RANGAP1: variants seen among roughly 807,000 people sequenced by gnomAD.
RANGAP1 encodes Ran GTPase activating protein 1.
In RANGAP1, 38 loss-of-function variants were observed where a neutral mutation model predicts 63.5. The ratio of observed to expected loss-of-function variants is 0.60; its 90% CI spans 0.46 to 0.78. RANGAP1 has a LOEUF of 0.78. Among genes scored for constraint, RANGAP1 ranks in the 30% least tolerant of loss-of-function variants. RANGAP1 has a pLI of 0.00. For missense variants in RANGAP1, 630 were observed against 740.3 expected (o/e 0.85, Z 1.73); for synonymous variants, 329 against 310.5 (o/e 1.06, Z -0.63).
At chr22:41,266,692 G>A (rs9607787) in intron 4 of RANGAP1, among the ~76,000 whole-genome samples, 4,322 of 152,126 alleles carry the variant, frequency 0.028, 116 homozygotes, top group South Asian at 0.097. Context: ...CTGCCATCAC[G>A]CCCAGCTAAT....
intron 11 of RANGAP1, among the ~76,000 whole-genome samples, chr22:41,253,530 T>C (rs1312998583): frequency 6.6e-6 from 1 of 152,116 alleles, no homozygotes; most frequent in Non-Finnish European, 1.5e-5. Flanking sequence ...GGAATGCAAA[T>C]GAATGAACTG....
Position 41,250,107 on chromosome 22 carries a change from G to A in RANGAP1, c.1484-290C>T, listed in dbSNP as rs546785149. ...ACACCCACTGTGCCCACCTCACACC[G>A]TGGGAATGGAGATTTCCTGAGGCAG... On this transcript the variant is annotated intron_variant, in intron 13 of 15. Coordinates refer to ENST00000356244, the MANE Select transcript of RANGAP1 (RefSeq NM_002883.4). Among the ~76,000 whole-genome samples the A allele has an allele frequency of 2.0e-5, 3 of 152,362 alleles. No individual in the cohort carries two copies. The East Asian group carries it at 5.8e-4, about 29-fold the overall frequency.
chr22:41,287,531 T>G (rs544201935), upstream of RANGAP1, among the ~76,000 whole-genome samples: 3 of 151,510 alleles, frequency 2.0e-5, no homozygotes, highest in Non-Finnish European at 4.4e-5. Context: ...TTGGACGTGA[T>G]GGTGCAAGCC....
chr22:41,279,170 A>T (rs2035336824), intron 2 of RANGAP1, among the ~76,000 whole-genome samples: 1 of 148,580 alleles, frequency 6.7e-6, no homozygotes, highest in African/African-American at 2.5e-5. Flanking sequence ...TAAAAATACA[A>T]ACACAAAAAT....
intron 11 of RANGAP1, among the ~76,000 whole-genome samples, chr22:41,253,341 C>A (rs1185796578): frequency 6.6e-6 from 1 of 152,228 alleles, no homozygotes; most frequent in Non-Finnish European, 1.5e-5. Flanking sequence ...GAACTACAGT[C>A]CAGCCTGGGT....
At chr22:41,262,705 C>T (rs75131768) in intron 5 of RANGAP1, among the ~76,000 whole-genome samples, 4,401 of 152,230 alleles carry the variant, frequency 0.029, 102 homozygotes, top group Admixed American at 0.045. Flanking sequence ...AAACTTCTGC[C>T]AAAGACCAGC....
chr22:41,283,660 T>C (rs900460530), intron 1 of RANGAP1, among the ~76,000 whole-genome samples: 1 of 152,132 alleles, frequency 6.6e-6, no homozygotes, highest in African/African-American at 2.4e-5. Context: ...GCAAATGCAA[T>C]GGCTCTTGTA....
At chr22:41,261,694 AG>A in intron 5 of RANGAP1, 114 bp from the exon 6 acceptor site, 2 of 1,314,358 alleles carry the variant, frequency 1.5e-6, no homozygotes, top group Non-Finnish European at 2.1e-6. Flanking sequence ...GGTGCAGGTC[AG>A]GGGACGCAGG....
intron 11 of RANGAP1, among the ~76,000 whole-genome samples, chr22:41,253,341 C>T (rs1185796578): frequency 6.6e-6 from 1 of 152,228 alleles, no homozygotes; most frequent in East Asian, 1.9e-4. Flanking sequence ...GAACTACAGT[C>T]CAGCCTGGGT....
At chr22:41,275,596 T>C (rs567360505) in intron 2 of RANGAP1, among the ~76,000 whole-genome samples, 2 of 150,234 alleles carry the variant, frequency 1.3e-5, no homozygotes, top group African/African-American at 2.5e-5. Flanking sequence ...CTGACCAATA[T>C]AGTGAAACCC....
At chr22:41,266,071 G>T (rs1409065980) in intron 4 of RANGAP1, among the ~76,000 whole-genome samples, 1 of 152,086 alleles carries the variant, frequency 6.6e-6, no homozygotes, top group Non-Finnish European at 1.5e-5. Flanking sequence ...GCATGGTGGC[G>T]GGCGCCTGTA....
Position 41,273,766 on chromosome 22 carries a change from C to CAAAAAAAAAAAAAAAAAAAAAA in RANGAP1, c.240+812_240+833dup, listed in dbSNP as rs71200678. On this transcript the variant is annotated intron_variant, in intron 3 of 15. Coordinates refer to ENST00000356244, the MANE Select transcript of RANGAP1 (RefSeq NM_002883.4). Reference sequence around the variant, plus strand: ...CGGGTGACAGTGTGAGACTCCATCTCAAAAAAAAAAAAAAAAAAAAAAAAA... The same window carrying CAAAAAAAAAAAAAAAAAAAAAA: ...CGGGTGACAGTGTGAGACTCCATCTCAAAAAAAAAAAAAAAAAAAAAAAAAAAAAAAAAAAAAAAAAAAAAAA... 1.2e-4 allele frequency among the ~76,000 whole-genome samples: 3 copies of CAAAAAAAAAAAAAAAAAAAAAA among 24,356 alleles called. 1 individual carries two copies. Among genetic ancestry groups the CAAAAAAAAAAAAAAAAAAAAAA allele is most frequent in the Non-Finnish European group, 2.1e-4 (3 of 14,164 alleles). The allele number at this position is 24,356 out of a possible 152,430, so 16.0% of individuals were successfully genotyped here.
the RANGAP1 span, among the ~76,000 whole-genome samples, chr22:41,292,672 G>A: frequency 8.5e-5 from 13 of 152,098 alleles, no homozygotes; most frequent in South Asian, 2.7e-3. Context: ...GCTTGAACCC[G>A]GGAGGCGGAG....
Position 41,280,964 on chromosome 22 carries a change from G to C in RANGAP1, c.81C>G (p.Gly27=), listed in dbSNP as rs143856592. The C allele has an allele frequency of 1.6e-4, 251 of 1,613,978 alleles. 3 individuals are homozygous for C. The East Asian group carries it at 4.9e-3, about 32-fold the overall frequency. Residue 27 remains glycine, a synonymous_variant, in exon 2 of 16, where the codon GGC becomes GGG. Transcript: ENST00000356244. The part of the protein sequence containing the change: ...QVAGGQLSFK[G]KSLKLNTAED... ...CTGCAGTGTTGAGTTTGAGGCTCTT[G>C]CCTTTGAAACTCAGCTGTCCCCCGG...
the RANGAP1 span, among the ~76,000 whole-genome samples, chr22:41,299,559 G>A: frequency 2.6e-5 from 4 of 152,088 alleles, no homozygotes; most frequent in Non-Finnish European, 5.9e-5. Flanking sequence ...GTGAGCCACC[G>A]TGCCGAGCTA....
the RANGAP1 span, among the ~76,000 whole-genome samples, chr22:41,300,125 A>G: frequency 6.6e-6 from 1 of 151,942 alleles, no homozygotes; most frequent in Non-Finnish European, 1.5e-5. Flanking sequence ...TTACCATCTT[A>G]GGCAGCCCAA....
intron 6 of RANGAP1, among the ~76,000 whole-genome samples, chr22:41,259,527 C>G (rs1285861090): frequency 6.6e-6 from 1 of 152,130 alleles, no homozygotes; most frequent in Non-Finnish European, 1.5e-5. Flanking sequence ...CAAACGCATG[C>G]TGTAGTGATA....
intron 2 of RANGAP1, among the ~76,000 whole-genome samples, 187 bp from the exon 3 acceptor site, chr22:41,274,914 T>TA (rs2035047994): frequency 6.6e-6 from 1 of 152,030 alleles, no homozygotes; most frequent in African/African-American, 2.4e-5. Context: ...GATTTCTCTG[T>TA]AATGAGTGTT....
chr22:41,269,425 T>C (rs566616640), intron 3 of RANGAP1, among the ~76,000 whole-genome samples: 1 of 152,214 alleles, frequency 6.6e-6, no homozygotes, highest in African/African-American at 2.4e-5. Context: ...TACATTAATC[T>C]ATTATATATT....
Sources: allele counts gnomAD v4.1 joint callset (sites outside exome capture counted in the v4.1 genomes callset), GRCh38; gene constraint gnomAD v4.1.1; transcripts MANE v1.5; gene names NCBI Gene and HGNC (gene_info 2026-07-23, HGNC 2026-07-21).